Variants in SLC2A4RG observed in about 807,000 individuals in gnomAD.
The protein encoded by SLC2A4RG is GLUT4 enhancer factor.
SLC2A4RG carries 23 observed loss-of-function variants against 35.5 expected under a neutral mutation model. The observed-to-expected ratio is 0.65, with a 90% CI of 0.47 to 0.92. The LOEUF is 0.92. Ranked by LOEUF, SLC2A4RG falls within the 40% of genes least tolerant of loss-of-function variation. SLC2A4RG has a pLI of 0.00. For missense variants in SLC2A4RG, 539 were observed against 525.0 expected (o/e 1.03, Z -0.26); for synonymous variants, 306 against 243.7 (o/e 1.26, Z -2.38).
rs191796266 is a variant in SLC2A4RG at position 63,743,933 on chromosome 20, A to G, written c.*943A>G. ...TAATAAGTAATAGGAAGTCAATATA[A>G]TATAGATTATCCCCAGAAAAAAATC... On this transcript the variant is annotated 3_prime_UTR_variant, in exon 8 of 8. Coordinates refer to ENST00000266077, the MANE Select transcript of SLC2A4RG (RefSeq NM_020062.4). 5.2e-5 allele frequency: 8 copies of G among 152,790 alleles called. No individual in the cohort carries two copies. The highest frequency in any genetic ancestry group is 5.2e-4 in the Admixed American group (8 of 15,300). 9.5% of individuals were successfully genotyped at this position (152,790 alleles called of 1,614,324 possible). A position where few individuals can be genotyped will look rare whatever the true frequency, so the allele number is the denominator to read the frequency against.
rs2092036450 is a variant in SLC2A4RG, at chr20:63,740,551, CCTCGGGA to C, written c.281+26_281+32del. On this transcript the variant is annotated intron_variant, in intron 2 of 7. Coordinates refer to ENST00000266077, the MANE Select transcript of SLC2A4RG (RefSeq NM_020062.4). ...GCAGAGGTGAGCGGGAGGCCCGGTG[CCTCGGGA>C]CTCGGTGTGCGCAGGGGCGGTGGGT... 1 of 1,228,436 alleles carries C rather than the reference CCTCGGGA, an allele frequency of 8.1e-7. No individual in the cohort carries two copies. The highest frequency in any genetic ancestry group is 1.0e-6 in the Non-Finnish European group (1 of 985,732). 76.1% of individuals were successfully genotyped at this position (1,228,436 alleles called of 1,614,324 possible). A position where few individuals can be genotyped will look rare whatever the true frequency, so the allele number is the denominator to read the frequency against.
Position 63,743,261 on chromosome 20 carries a change from GGGGCAGCCACCCT to G in SLC2A4RG, c.*272_*284del. ...TGTCCCCTTAGCCCCAAGGGCCCTG[GGGGCAGCCACCCT>G]CCCGCCTGTCGGCCCGTAGATTTAT... On this transcript the variant is annotated 3_prime_UTR_variant, in exon 8 of 8. Transcript: ENST00000266077. 1 of 330,260 alleles carries G rather than the reference GGGGCAGCCACCCT, an allele frequency of 3.0e-6. No individual in the cohort carries two copies. Among genetic ancestry groups the G allele is most frequent in the Non-Finnish European group, 5.6e-6 (1 of 178,176 alleles). The allele number at this position is 330,260 out of a possible 1,614,324, so 20.5% of individuals were successfully genotyped here.
At chr20:63,740,915 C>T (rs2092038207) in intron 2 of SLC2A4RG, among the ~76,000 whole-genome samples, 1 of 152,154 alleles carries the variant, frequency 6.6e-6, no homozygotes, top group Non-Finnish European at 1.5e-5. Context: ...GCCTGGCTCG[C>T]TGGGGCCTGG....
chr20:63,741,306 C>T (rs1262814607), intron 2 of SLC2A4RG, 64 bp from the exon 3 acceptor site: 41 of 1,496,424 alleles, frequency 2.7e-5, no homozygotes, highest in Non-Finnish European at 3.5e-5. Flanking sequence ...TGCACGTGGA[C>T]CGACCAGGGG....
chr20:63,740,507 C>T lies in SLC2A4RG; in HGVS notation c.257C>T (p.Ala86Val), dbSNP rs1307837661. Reference sequence around the variant, plus strand: ...GCGGCGGGGCCCCGGACTCCGTCGGCGCACATCCCCGTCCCAGCGCAGAGG... The same window carrying T: ...GCGGCGGGGCCCCGGACTCCGTCGGTGCACATCCCCGTCCCAGCGCAGAGG... The part of the protein sequence containing the change: ...GAAAGPRTPS[A>V]HIPVPAQRAT... The change falls in exon 2 of 8, where the codon GCG (alanine) becomes GTG (valine). Residue 86 changes from alanine to valine, a missense_variant. Ala to Val is a moderately conservative substitution (Grantham distance 64). Transcript: ENST00000266077. The T allele has an allele frequency of 4.1e-6, 5 of 1,229,510 alleles. No individual in the cohort carries two copies. The East Asian group carries it at 1.3e-4, about 31-fold the overall frequency. 76.2% of individuals were successfully genotyped at this position (1,229,510 alleles called of 1,614,324 possible).
At chr20:63,741,744 G>A in intron 3 of SLC2A4RG, 125 bp from the exon 4 acceptor site, 1 of 1,436,706 alleles carries the variant, frequency 7.0e-7, no homozygotes, top group Non-Finnish European at 9.1e-7. Flanking sequence ...CCAAGCCCTG[G>A]GGCCAGCTCC....
rs1417485389 is a variant in SLC2A4RG at position 63,740,547 on chromosome 20, G to A, written c.281+16G>A. ...CAGCGCAGAGGTGAGCGGGAGGCCCGGTGCCTCGGGACTCGGTGTGCGCAG... is the reference window on the plus strand; with the variant it reads ...CAGCGCAGAGGTGAGCGGGAGGCCCAGTGCCTCGGGACTCGGTGTGCGCAG... On this transcript the variant is annotated intron_variant, in intron 2 of 7. Transcript: ENST00000266077. 8.1e-6 allele frequency: 10 copies of A among 1,228,474 alleles called. No individual in the cohort carries two copies. In the East Asian group the frequency reaches 1.9e-4, roughly 23 times the overall value. 76.1% of individuals were successfully genotyped at this position (1,228,474 alleles called of 1,614,324 possible). A position where few individuals can be genotyped will look rare whatever the true frequency, so the allele number is the denominator to read the frequency against.
intron 2 of SLC2A4RG, among the ~76,000 whole-genome samples, chr20:63,740,842 C>A (rs1252433572): frequency 2.6e-5 from 4 of 152,182 alleles, no homozygotes; most frequent in Non-Finnish European, 5.9e-5. Flanking sequence ...TCCTGACCGC[C>A]ACCTCCCAAC....
intron 2 of SLC2A4RG, 84 bp downstream of exon 2, chr20:63,740,615 C>T (rs969926096): frequency 5.0e-6 from 6 of 1,190,370 alleles, no homozygotes; most frequent in Non-Finnish European, 5.2e-6. Context: ...CGACGGAGGC[C>T]AGGTCAGGGC....
At position 63,743,510 on chromosome 20, in the gene SLC2A4RG, T is replaced by C. The variant is rs1412861087; in HGVS notation, c.*520T>C. 6.5e-6 allele frequency: 1 copy of C among 153,160 alleles called. No individual in the cohort carries two copies. Among genetic ancestry groups the C allele is most frequent in the Admixed American group, 6.5e-5 (1 of 15,384 alleles). The allele number at this position is 153,160 out of a possible 1,614,324, so 9.5% of individuals were successfully genotyped here. On this transcript the variant is annotated 3_prime_UTR_variant, in exon 8 of 8. Coordinates refer to ENST00000266077, the MANE Select transcript of SLC2A4RG (RefSeq NM_020062.4). ...AGATTTGAGGTTTTTCCAGAAGCTT[T>C]GTCTGCCTCTCGGGAGGAAGGCCGT...
Position 63,742,409 on chromosome 20 carries a change from A to C in SLC2A4RG, c.754A>C (p.Thr252Pro). 1.9e-6 allele frequency: 3 copies of C among 1,610,656 alleles called. No homozygotes were observed. The highest frequency in any genetic ancestry group is 2.5e-6 in the Non-Finnish European group (3 of 1,179,154). ...YYTELDVGVD[T>P]LTDGLSSLTP... is the part of the protein sequence containing the mutation. The stretch of plus-strand genomic sequence containing the variant: ...CACAGAGCTGGATGTTGGTGTGGAC[A>C]CGCTGACCGACGGGCTGTCCAGCCT... The change falls in exon 6 of 8, where the codon ACG becomes CCG. Residue 252 changes from threonine (T) to proline (P), a missense_variant. Transcript: ENST00000266077.
chr20:63,741,865 A>G lies in SLC2A4RG; in HGVS notation c.392-4A>G, dbSNP rs547530391. 20 of 1,587,652 alleles carry G rather than the reference A, an allele frequency of 1.3e-5. No homozygotes were observed. Among genetic ancestry groups the G allele is most frequent in the Non-Finnish European group, 1.6e-5 (19 of 1,168,064 alleles). On this transcript the variant is annotated splice_polypyrimidine_tract_variant and splice_region_variant and intron_variant, in intron 3 of 7. Coordinates refer to ENST00000266077, the MANE Select transcript of SLC2A4RG (RefSeq NM_020062.4). ...TCTAAGGCGGGGGGCCCGTGTCCCCACAGAGCCTGGCCTGGAGCCCTGGAA... is the reference window on the plus strand; with the variant it reads ...TCTAAGGCGGGGGGCCCGTGTCCCCGCAGAGCCTGGCCTGGAGCCCTGGAA...
chr20:63,739,879 C>A lies in SLC2A4RG; in HGVS notation c.-34C>A, dbSNP rs1475257112. 1.3e-5 allele frequency: 13 copies of A among 978,350 alleles called. No individual in the cohort carries two copies. Among genetic ancestry groups the A allele is most frequent in the Admixed American group, 6.4e-5 (1 of 15,658 alleles). 60.6% of individuals were successfully genotyped at this position (978,350 alleles called of 1,614,324 possible). A position where few individuals can be genotyped will look rare whatever the true frequency, so the allele number is the denominator to read the frequency against. Reference sequence around the variant, plus strand: ...GGGCCGCGTCCTGAGAGTCAGCCCTCGCCGCTGCAGCCTCGGCGCCCGGCC... The same window carrying A: ...GGGCCGCGTCCTGAGAGTCAGCCCTAGCCGCTGCAGCCTCGGCGCCCGGCC... On this transcript the variant is annotated 5_prime_UTR_variant, in exon 1 of 8. Transcript: ENST00000266077.
At chr20:63,741,778 C>G (rs2092042873) in intron 3 of SLC2A4RG, 91 bp from the exon 4 acceptor site, 1 of 1,455,326 alleles carries the variant, frequency 6.9e-7, no homozygotes, top group African/African-American at 1.4e-5. Flanking sequence ...GCCCACCAGT[C>G]TCACCGGACT....
Position 63,743,870 on chromosome 20 carries a change from C to T in SLC2A4RG, c.*880C>T, listed in dbSNP as rs1013122885. ...CGAGCGATTACGAGAACCTCTTCCC[C>T]CAATAGTAGACACATCTCCAATACA... On this transcript the variant is annotated 3_prime_UTR_variant, in exon 8 of 8. Transcript: ENST00000266077. 3 of 152,290 alleles carry T rather than the reference C, an allele frequency of 2.0e-5. No individual in the cohort carries two copies. The highest frequency in any genetic ancestry group is 7.3e-5 in the African/African-American group (3 of 41,314). 9.4% of individuals were successfully genotyped at this position (152,290 alleles called of 1,614,324 possible). A position where few individuals can be genotyped will look rare whatever the true frequency, so the allele number is the denominator to read the frequency against.
rs749266529 is a variant in SLC2A4RG, at chr20:63,742,479, G to T, written c.824G>T (p.Arg275Leu). 4.4e-6 allele frequency: 7 copies of T among 1,582,018 alleles called. No individual in the cohort carries two copies. The highest frequency in any genetic ancestry group is 6.0e-6 in the Non-Finnish European group (7 of 1,164,972). The change falls in exon 6 of 8, where the codon CGC becomes CTC. Residue 275 changes from arginine to leucine, a missense_variant. Transcript: ENST00000266077. ...GCCTCCATGCCGCCTGCCTTCCCCC[G>T]CCTGGAGCTGCCAGAGCTGCTGGAG... is the stretch of plus-strand genomic sequence containing the variant. ...PTASMPPAFP[R>L]LELPELLEPP...
At position 63,741,377 on chromosome 20, in the gene SLC2A4RG, C is replaced by G; in HGVS notation, c.289C>G (p.Pro97Ala). Residue 97 changes from proline to alanine, a missense_variant, in exon 3 of 8, where the codon CCA (proline) becomes GCA (alanine). Pro to Ala is a conservative substitution (Grantham distance 27). Coordinates refer to ENST00000266077, the MANE Select transcript of SLC2A4RG (RefSeq NM_020062.4). ...CGCCCCCATCTCCTCCAGAGCCACC[C>G]CAGGAAAAGCCCGGCTGGACGAGGT... ...HIPVPAQRAT[P>A]GKARLDEVMA... The G allele has an allele frequency of 6.2e-7, 1 of 1,612,890 alleles. No homozygotes were observed. Among genetic ancestry groups the G allele is most frequent in the Non-Finnish European group, 8.5e-7 (1 of 1,179,898 alleles).
At position 63,739,989 on chromosome 20, in the gene SLC2A4RG, A is replaced by T. The variant is rs2092033418; in HGVS notation, c.77A>T (p.Glu26Val). Reference protein sequence around the residue: ...LRAEAPWLRAEGPGPRAAPVT... With the variant: ...LRAEAPWLRAVGPGPRAAPVT... ...GCCGAGGCGCCGTGGCTGCGCGCGG[A>T]GGGTCCGGGGCCGCGCGCCGCGCCC... The change falls in exon 1 of 8, where the codon GAG becomes GTG. Residue 26 changes from glutamate to valine, a missense_variant. Glu to Val is a moderately radical substitution (Grantham distance 121). Coordinates refer to ENST00000266077, the MANE Select transcript of SLC2A4RG (RefSeq NM_020062.4). 1 of 979,512 alleles carries T rather than the reference A, an allele frequency of 1.0e-6. No homozygotes were observed. The highest frequency in any genetic ancestry group is 6.4e-5 in the Admixed American group (1 of 15,702). The allele number at this position is 979,512 out of a possible 1,614,324, so 60.7% of individuals were successfully genotyped here.
Position 63,741,476 on chromosome 20 carries a change from C to G in SLC2A4RG, c.388C>G (p.Pro130Ala), listed in dbSNP as rs1304032405. Residue 130 changes from proline to alanine, a missense_variant, in exon 3 of 8, where the codon CCA becomes GCA. Transcript: ENST00000266077. ...LLGAPVAAFS[P>A]EPGLEPWKEA... is the part of the protein sequence containing the mutation. The stretch of plus-strand genomic sequence containing the variant: ...GGGGGCCCCGGTTGCAGCCTTCAGC[C>G]CAGGTAAGACTCAGATGTCTGCATT... 1 of 1,612,546 alleles carries G rather than the reference C, an allele frequency of 6.2e-7. No individual in the cohort carries two copies. Among genetic ancestry groups the G allele is most frequent in the South Asian group, 1.1e-5 (1 of 90,996 alleles).
Sources: allele counts gnomAD v4.1 joint callset (sites outside exome capture counted in the v4.1 genomes callset), GRCh38; gene constraint gnomAD v4.1.1; transcripts MANE v1.5; gene names NCBI Gene and HGNC (gene_info 2026-07-23, HGNC 2026-07-21).